The following RFX7 variants were observed in gnomAD, a reference collection of about 807,000 sequenced individuals.
RFX7 encodes DNA-binding protein RFX7.
Under a neutral mutation model 111.8 loss-of-function variants are expected in RFX7, and 26 were observed. That is an observed-to-expected ratio of 0.23 (90% CI 0.17 to 0.32). RFX7 has a LOEUF of 0.32. Among genes scored for constraint, RFX7 ranks in the 10% least tolerant of loss-of-function variants. The probability of loss-of-function intolerance (pLI) is 1.00; values close to 1 mark genes in which losing one functional copy is unlikely to be tolerated. For missense variants in RFX7, 1,573 were observed against 1,772.9 expected (o/e 0.89, Z 2.02); for synonymous variants, 624 against 624.4 (o/e 1.00, Z 0.01).
chr15:56,123,793 C>G (rs375124385), intron 5 of RFX7, among the ~76,000 whole-genome samples: 6 of 152,204 alleles, frequency 3.9e-5, no homozygotes, highest in Admixed American at 3.3e-4. Context: ...TCTGAATGCT[C>G]TTTCCACAGG....
In RFX7 at chr15:56,098,192, C is replaced by CT; in HGVS notation, c.995dup (p.Ser333ValfsTer11). 1 of 1,613,924 alleles carries CT rather than the reference C, an allele frequency of 6.2e-7. No individual in the cohort carries two copies. The highest frequency in any genetic ancestry group is 8.5e-7 in the Non-Finnish European group (1 of 1,179,846). On this transcript the variant is annotated frameshift_variant, in exon 9 of 10. Transcript: ENST00000559447. LOFTEE classifies it high-confidence loss of function. ...CTCCATTGCTTGTAGCACTTTCTGA[C>CT]TTTTTTGCTGCAGATTCTCCTGGCA...
At chr15:56,234,918 C>T (rs2043606107) in intron 2 of RFX7, among the ~76,000 whole-genome samples, 1 of 152,072 alleles carries the variant, frequency 6.6e-6, no homozygotes, top group Non-Finnish European at 1.5e-5. Context: ...GTCTAAACTA[C>T]TGAAAAAAAT....
In RFX7 at chr15:56,096,532, G is replaced by C. The variant is rs1476887418; in HGVS notation, c.1196C>G (p.Thr399Ser). 5.0e-6 allele frequency: 8 copies of C among 1,601,314 alleles called. No individual in the cohort carries two copies. Among genetic ancestry groups the C allele is most frequent in the Non-Finnish European group, 6.8e-6 (8 of 1,173,672 alleles). The change falls in exon 10 of 10, where the codon ACT becomes AGT. Residue 399 changes from threonine to serine, a missense_variant. Transcript: ENST00000559447. ...CTGTTTCACAGACTGCATGTGCTGA[G>C]TGACCACCTGTACATTGAGGGGAAG... ...KVLPLNVQVV[T>S]QHMQSVKQAP...
In RFX7 at chr15:56,087,411, C is replaced by T; in HGVS notation, c.*5934G>A. 1 of 456,632 alleles carries T rather than the reference C, an allele frequency of 2.2e-6. No homozygotes were observed. Among genetic ancestry groups the T allele is most frequent in the Non-Finnish European group, 4.4e-6 (1 of 226,930 alleles). The allele number at this position is 456,632 out of a possible 1,614,324, so 28.3% of individuals were successfully genotyped here. On this transcript the variant is annotated 3_prime_UTR_variant, in exon 10 of 10. Transcript: ENST00000559447. ...GGCTCCTTGTATCTTGTTGCTCAAT[C>T]ATCCTCAGCATGTGTCTTTAACATG...
intron 2 of RFX7, among the ~76,000 whole-genome samples, chr15:56,218,543 A>G (rs1462415561): frequency 1.3e-5 from 2 of 152,178 alleles, no homozygotes; most frequent in Non-Finnish European, 2.9e-5. Context: ...GGGGTCCTGG[A>G]ACCAATTCCC....
intron 2 of RFX7, among the ~76,000 whole-genome samples, chr15:56,240,934 A>C (rs1474310225): frequency 6.6e-6 from 1 of 152,134 alleles, no homozygotes; most frequent in African/African-American, 2.4e-5. Flanking sequence ...TATTTTACAT[A>C]GTCACTTGAT....
At chr15:56,224,467 TTGTGTGTGTGTGTG>T (rs58795247) in intron 2 of RFX7, among the ~76,000 whole-genome samples, 2 of 147,310 alleles carry the variant, frequency 1.4e-5, no homozygotes, top group South Asian at 2.2e-4. Context: ...GATTAGGATT[TTGTGTGTGTGTGTG>T]TGTGTGTGTG....
At chr15:56,230,687 G>C (rs1471155708) in intron 2 of RFX7, among the ~76,000 whole-genome samples, 3 of 152,204 alleles carry the variant, frequency 2.0e-5, no homozygotes. Flanking sequence ...GTGATTAAGT[G>C]ATAAATTGTA....
At chr15:56,224,505 G>C (rs2043461054) in intron 2 of RFX7, among the ~76,000 whole-genome samples, 1 of 148,302 alleles carries the variant, frequency 6.7e-6, no homozygotes, top group African/African-American at 2.5e-5. Flanking sequence ...GCAGTTCTCT[G>C]TGTAAAACTG....
intron 2 of RFX7, among the ~76,000 whole-genome samples, chr15:56,220,151 AT>A (rs2043408875): frequency 6.6e-6 from 1 of 152,132 alleles, no homozygotes; most frequent in African/African-American, 2.4e-5. Flanking sequence ...ATCTTTTCAT[AT>A]GCTTGTTGGC....
At chr15:56,210,876 G>A (rs961951968) in intron 2 of RFX7, among the ~76,000 whole-genome samples, 11 of 152,020 alleles carry the variant, frequency 7.2e-5, no homozygotes, top group South Asian at 2.1e-4. Flanking sequence ...AGCTTCCATC[G>A]TAGGAAACTA....
chr15:56,177,643 C>T (rs577515626), intron 3 of RFX7, among the ~76,000 whole-genome samples: 14 of 152,206 alleles, frequency 9.2e-5, no homozygotes, highest in Admixed American at 5.2e-4. Context: ...CAGTCTTCTA[C>T]CTCTTCTTAA....
chr15:56,121,534 G>A (rs2042078358), intron 5 of RFX7, among the ~76,000 whole-genome samples: 1 of 152,100 alleles, frequency 6.6e-6, no homozygotes, highest in South Asian at 2.1e-4. Context: ...TTGCTTTTCT[G>A]TAACTTTCTT....
intron 3 of RFX7, chr15:56,178,956 A>T (rs1369778452): frequency 1.9e-5 from 3 of 156,540 alleles, no homozygotes; most frequent in African/African-American, 4.8e-5. Flanking sequence ...TCTCTAAACA[A>T]ATTCTCAGAG....
chr15:56,110,070 C>T (rs1436112683), intron 5 of RFX7, among the ~76,000 whole-genome samples: 4 of 132,866 alleles, frequency 3.0e-5, no homozygotes, highest in Non-Finnish European at 4.9e-5. Context: ...CCCAGCCAGC[C>T]GCCCCGTCTG....
chr15:56,138,755 G>A (rs1166895433), intron 5 of RFX7, among the ~76,000 whole-genome samples: 1 of 152,022 alleles, frequency 6.6e-6, no homozygotes, highest in Non-Finnish European at 1.5e-5. Context: ...AGCTGGTACT[G>A]GTTTTTCCTT....
intron 4 of RFX7, among the ~76,000 whole-genome samples, 175 bp from the exon 5 acceptor site, chr15:56,143,075 G>A (rs887939635): frequency 2.0e-5 from 3 of 152,164 alleles, no homozygotes; most frequent in Non-Finnish European, 2.9e-5. Flanking sequence ...GTTTGCTATA[G>A]CTAGTGTAAG....
intron 2 of RFX7, among the ~76,000 whole-genome samples, chr15:56,241,320 A>G (rs973392500): frequency 2.0e-5 from 3 of 152,122 alleles, no homozygotes; most frequent in South Asian, 4.1e-4. Context: ...CAAAAAGTGC[A>G]CTCGACTATC....
intron 2 of RFX7, chr15:56,189,837 T>C (rs2043082465): frequency 6.6e-6 from 1 of 152,212 alleles, no homozygotes; most frequent in African/African-American, 2.4e-5. Context: ...AAACCTACCA[T>C]AAGTATTTAT....
Sources: allele counts gnomAD v4.1 joint callset (sites outside exome capture counted in the v4.1 genomes callset), GRCh38; gene constraint gnomAD v4.1.1; transcripts MANE v1.5; gene names NCBI Gene and HGNC (gene_info 2026-07-23, HGNC 2026-07-21).